The following CDC42SE2 variants were observed in gnomAD, a reference collection of about 807,000 sequenced individuals.
CDC42SE2 encodes the protein CDC42 small effector protein 2.
Under a neutral mutation model 11.5 loss-of-function variants are expected in CDC42SE2, and 3 were observed. The ratio of observed to expected loss-of-function variants is 0.26; its 90% CI spans 0.12 to 0.67. The LOEUF (loss-of-function observed/expected upper bound fraction) is 0.67. Among genes scored for constraint, CDC42SE2 ranks in the 30% least tolerant of loss-of-function variants. The probability of loss-of-function intolerance (pLI) is 0.80; values close to 1 mark genes in which losing one functional copy is unlikely to be tolerated. For missense variants in CDC42SE2, 82 were observed against 106.8 expected, an observed-to-expected ratio of 0.77 and a Z score of 1.02; for synonymous variants, 33 against 34.8, an observed-to-expected ratio of 0.95 and a Z score of 0.18.
chr5:131,299,926 A>T (rs1277656073), intron 1 of CDC42SE2, among the ~76,000 whole-genome samples: 2 of 152,212 alleles, frequency 1.3e-5, no homozygotes, highest in Non-Finnish European at 2.9e-5. Flanking sequence ...ATAGGTATTT[A>T]GTAGAAACCC....
intron 2 of CDC42SE2, among the ~76,000 whole-genome samples, chr5:131,323,715 T>C (rs1473330781): frequency 6.6e-6 from 1 of 152,192 alleles, no homozygotes; most frequent in African/African-American, 2.4e-5. Context: ...TGTACCAACA[T>C]CTAAAATAAT....
chr5:131,227,502 T>C, the CDC42SE2 span, among the ~76,000 whole-genome samples: 1 of 152,194 alleles, frequency 6.6e-6, no homozygotes, highest in East Asian at 1.9e-4. Context: ...AAATAAATTC[T>C]GTATTTGGTA....
chr5:131,267,247 G>T (rs1180441152), intron 1 of CDC42SE2, among the ~76,000 whole-genome samples: 2 of 151,592 alleles, frequency 1.3e-5, no homozygotes, highest in South Asian at 2.1e-4. Flanking sequence ...TAGAGACAGG[G>T]TTTCACCGTG....
chr5:131,263,800 C>G (rs1209845589), upstream of CDC42SE2: 1 of 152,252 alleles, frequency 6.6e-6, no homozygotes, highest in Non-Finnish European at 1.5e-5. Flanking sequence ...GCTGCAGTCC[C>G]GGATCTCAGG....
At chr5:131,338,237 C>T (rs1049791909) in intron 2 of CDC42SE2, among the ~76,000 whole-genome samples, 1 of 152,228 alleles carries the variant, frequency 6.6e-6, no homozygotes, top group Non-Finnish European at 1.5e-5. Flanking sequence ...AACACCAGCA[C>T]ATGGCAGTCC....
At chr5:131,212,371 G>A in the CDC42SE2 span, among the ~76,000 whole-genome samples, 3 of 152,224 alleles carry the variant, frequency 2.0e-5, no homozygotes, top group African/African-American at 7.2e-5. Context: ...GCCTCCCAAA[G>A]TGCTGGGATT....
In CDC42SE2 at chr5:131,276,709, T is replaced by C. The variant is rs944082816; in HGVS notation, c.-455+12543T>C. Among the ~76,000 whole-genome samples, 3 of 149,544 alleles carry C rather than the reference T, an allele frequency of 2.0e-5. No homozygotes were observed. The Admixed American group carries it at 2.0e-4, about 10-fold the overall frequency. Reference sequence around the variant, plus strand: ...TATGCAGATACAATTTAGACTCTCATATAAACATGACCATTAGAATTTTTT... The same window carrying C: ...TATGCAGATACAATTTAGACTCTCACATAAACATGACCATTAGAATTTTTT... On this transcript the variant is annotated intron_variant, in intron 1 of 4. Coordinates refer to ENST00000505065, the MANE Select transcript of CDC42SE2 (RefSeq NM_001375635.1).
chr5:131,257,769 C>T (rs1400559395), intron 2 of CDC42SE2, among the ~76,000 whole-genome samples: 4 of 152,096 alleles, frequency 2.6e-5, no homozygotes, highest in Admixed American at 1.3e-4. Context: ...TAAGCCACCG[C>T]GCTCGGCCCC....
chr5:131,329,452 G>A (rs943150774), intron 2 of CDC42SE2, among the ~76,000 whole-genome samples: 4 of 152,020 alleles, frequency 2.6e-5, no homozygotes, highest in African/African-American at 9.7e-5. Context: ...GTTCCTCTTG[G>A]TAAGAATTGG....
chr5:131,267,881 C>T (rs868585412), intron 1 of CDC42SE2, among the ~76,000 whole-genome samples: 18 of 151,648 alleles, frequency 1.2e-4, no homozygotes, highest in African/African-American at 3.6e-4. Context: ...ATTAAAAATG[C>T]GTGTTGGTTT....
intron 1 of CDC42SE2, among the ~76,000 whole-genome samples, chr5:131,286,679 A>G (rs554117366): frequency 6.6e-6 from 1 of 152,090 alleles, no homozygotes; most frequent in Non-Finnish European, 1.5e-5. Flanking sequence ...CTCAACTTGA[A>G]GATGATAAGG....
chr5:131,304,063 A>G (rs975804681), intron 1 of CDC42SE2, among the ~76,000 whole-genome samples: 1 of 151,880 alleles, frequency 6.6e-6, no homozygotes, highest in African/African-American at 2.4e-5. Context: ...CGGCCCAAGG[A>G]ATCCTTGCAC....
the CDC42SE2 span, among the ~76,000 whole-genome samples, chr5:131,239,813 G>T: frequency 1.3e-5 from 2 of 152,186 alleles, no homozygotes; most frequent in African/African-American, 4.8e-5. Context: ...CTCATTTGGG[G>T]AAGGGGATCT....
the CDC42SE2 span, among the ~76,000 whole-genome samples, chr5:131,224,006 A>G: frequency 2.0e-5 from 3 of 151,918 alleles, no homozygotes; most frequent in Admixed American, 6.6e-5. Flanking sequence ...CACCCTCTAC[A>G]CTTGGTTGCC....
At chr5:131,381,466 G>C (rs1226895935) in intron 3 of CDC42SE2, among the ~76,000 whole-genome samples, 1 of 152,054 alleles carries the variant, frequency 6.6e-6, no homozygotes, top group African/African-American at 2.4e-5. Flanking sequence ...TGGGATTAAG[G>C]CACCTGCTAC....
At chr5:131,274,613 T>C (rs937998274) in intron 1 of CDC42SE2, among the ~76,000 whole-genome samples, 1 of 152,218 alleles carries the variant, frequency 6.6e-6, no homozygotes, top group African/African-American at 2.4e-5. Context: ...AAACCCTTAG[T>C]GGCTTTCCAT....
intron 1 of CDC42SE2, among the ~76,000 whole-genome samples, chr5:131,278,912 G>A (rs1351694803): frequency 2.0e-5 from 3 of 147,426 alleles, no homozygotes; most frequent in South Asian, 4.4e-4. Flanking sequence ...AGCCTCCCGA[G>A]TAGGTGAGAC....
chr5:131,341,979 C>G (rs953160435), intron 2 of CDC42SE2, among the ~76,000 whole-genome samples: 1 of 151,706 alleles, frequency 6.6e-6, no homozygotes, highest in Non-Finnish European at 1.5e-5. Context: ...ATCTTACTTA[C>G]AATTATAAAA....
At chr5:131,365,036 T>C (rs1749812836) in intron 3 of CDC42SE2, among the ~76,000 whole-genome samples, 1 of 152,140 alleles carries the variant, frequency 6.6e-6, no homozygotes, top group Non-Finnish European at 1.5e-5. Context: ...ATGCCTGTAA[T>C]CCCAGCACTT....
Sources: allele counts gnomAD v4.1 joint callset (sites outside exome capture counted in the v4.1 genomes callset), GRCh38; gene constraint gnomAD v4.1.1; transcripts MANE v1.5; gene names NCBI Gene and HGNC (gene_info 2026-07-23, HGNC 2026-07-21).